PLPPR4: variants seen among roughly 807,000 people sequenced by gnomAD.
PLPPR4 encodes the protein phospholipid phosphatase-related protein type 4.
Under a neutral mutation model 56.6 loss-of-function variants are expected in PLPPR4, and 24 were observed. The ratio of observed to expected loss-of-function variants is 0.42; its 90% CI spans 0.31 to 0.60. The LOEUF (loss-of-function observed/expected upper bound fraction) is 0.60, where lower values mean the gene tolerates loss of function less well. PLPPR4 is among the 20% of genes least tolerant of loss of function. PLPPR4 has a pLI of 0.13. For missense variants in PLPPR4, 654 were observed against 885.8 expected (o/e 0.74, Z 3.32); for synonymous variants, 326 against 328.1 (o/e 0.99, Z 0.07).
chr1:99,279,737 G>GA (rs755578186), intron 1 of PLPPR4, among the ~76,000 whole-genome samples: 11 of 152,316 alleles, frequency 7.2e-5, no homozygotes, highest in Admixed American at 2.0e-4. Flanking sequence ...GAATTTAGCA[G>GA]ACCAGGTTTC....
chr1:99,276,432 A>T (rs1256278652), intron 1 of PLPPR4, among the ~76,000 whole-genome samples: 1 of 152,182 alleles, frequency 6.6e-6, no homozygotes, highest in African/African-American at 2.4e-5. Flanking sequence ...GTTTAATAAT[A>T]AAATTGATAC....
At chr1:99,296,566 T>G (rs1659747183) in intron 2 of PLPPR4, among the ~76,000 whole-genome samples, 172 bp from the exon 3 acceptor site, 1 of 152,214 alleles carries the variant, frequency 6.6e-6, no homozygotes, top group South Asian at 2.1e-4. Context: ...TACTTCTCAC[T>G]GCTTGATCAA....
At position 99,271,952 on chromosome 1, in the gene PLPPR4, T is replaced by C. The variant is rs543949444; in HGVS notation, c.78+7281T>C. Among the ~76,000 whole-genome samples the C allele has an allele frequency of 1.1e-3, 140 of 124,514 alleles. 2 individuals are homozygous for C. Among genetic ancestry groups the C allele is most frequent in the Non-Finnish European group, 6.9e-4 (42 of 60,828 alleles). The allele number at this position is 124,514 out of a possible 152,430, so 81.7% of individuals were successfully genotyped here. Reference sequence around the variant, plus strand: ...TGTGTGTGTGTGTGTGTGATGGAGATCCAATCTGTGAGCAAACCATGGAGA... The same window carrying C: ...TGTGTGTGTGTGTGTGTGATGGAGACCCAATCTGTGAGCAAACCATGGAGA... On this transcript the variant is annotated intron_variant, in intron 1 of 6. Transcript: ENST00000370185.
chr1:99,291,475 C>T (rs1015621127), intron 2 of PLPPR4, among the ~76,000 whole-genome samples: 1 of 152,132 alleles, frequency 6.6e-6, no homozygotes, highest in Non-Finnish European at 1.5e-5. Flanking sequence ...CACATGTACA[C>T]GTATATTCAT....
Position 99,305,792 on chromosome 1 carries a change from A to G in PLPPR4, c.930A>G (p.Leu310=). The G allele has an allele frequency of 1.9e-6, 3 of 1,614,120 alleles. No homozygotes were observed. Among genetic ancestry groups the G allele is most frequent in the Non-Finnish European group, 2.5e-6 (3 of 1,180,018 alleles). ...TDLNQDPNRL[L]SAKNGSSSDG... is the part of the protein sequence containing the mutation. Reference sequence around the variant, plus strand: ...TCAATCAAGATCCCAACCGACTTTTATCTGCTAAAAATGGTAGCAGCAGTG... The same window carrying G: ...TCAATCAAGATCCCAACCGACTTTTGTCTGCTAAAAATGGTAGCAGCAGTG... Residue 310 remains leucine, a synonymous_variant, in exon 7 of 7, where the codon TTA becomes TTG. Coordinates refer to ENST00000370185, the MANE Select transcript of PLPPR4 (RefSeq NM_014839.5).
At chr1:99,297,185 G>A (rs181033553) in intron 3 of PLPPR4, among the ~76,000 whole-genome samples, 1 of 152,232 alleles carries the variant, frequency 6.6e-6, no homozygotes, top group African/African-American at 2.4e-5. Flanking sequence ...TTTCAAAATG[G>A]AGAACAAACG....
At chr1:99,291,124 A>G (rs545350464) in intron 2 of PLPPR4, among the ~76,000 whole-genome samples, 3 of 152,316 alleles carry the variant, frequency 2.0e-5, no homozygotes, top group Non-Finnish European at 2.9e-5. Flanking sequence ...AAAGTGGGCA[A>G]AGGACATGAA....
At chr1:99,273,237 G>A (rs1659102245) in intron 1 of PLPPR4, among the ~76,000 whole-genome samples, 3 of 152,100 alleles carry the variant, frequency 2.0e-5, no homozygotes, top group African/African-American at 7.2e-5. Context: ...CATAGAGGAG[G>A]TTAATGGCTT....
chr1:99,288,193 C>A (rs1557778407), intron 2 of PLPPR4, 43 bp downstream of exon 2: 1 of 1,547,206 alleles, frequency 6.5e-7, no homozygotes, highest in Non-Finnish European at 8.8e-7. Flanking sequence ...TCCTGGAAAA[C>A]TAAAAATCAC....
chr1:99,287,783 G>C (rs935589340), intron 1 of PLPPR4, among the ~76,000 whole-genome samples, 182 bp from the exon 2 acceptor site: 9 of 152,160 alleles, frequency 5.9e-5, no homozygotes, highest in Non-Finnish European at 8.8e-5. Flanking sequence ...TGCGTAACAG[G>C]CTGTGACTAA....
At chr1:99,299,283 C>A in intron 4 of PLPPR4, 53 bp downstream of exon 4, 1 of 1,339,600 alleles carries the variant, frequency 7.5e-7, no homozygotes, top group Non-Finnish European at 1.1e-6. Context: ...TATTCAATTG[C>A]TGCTTGGAGT....
chr1:99,263,719 T>C (rs1658819235), upstream of PLPPR4, among the ~76,000 whole-genome samples: 1 of 152,178 alleles, frequency 6.6e-6, no homozygotes, highest in Non-Finnish European at 1.5e-5. Context: ...AAGACATACT[T>C]CTTTTTACTG....
intron 2 of PLPPR4, among the ~76,000 whole-genome samples, chr1:99,294,587 T>C (rs1659696715): frequency 6.6e-6 from 1 of 151,694 alleles, no homozygotes; most frequent in Admixed American, 6.6e-5. Flanking sequence ...TCCCAGCTAC[T>C]TGGGAGGCTG....
chr1:99,292,521 C>G (rs1659649023), intron 2 of PLPPR4, among the ~76,000 whole-genome samples: 1 of 152,190 alleles, frequency 6.6e-6, no homozygotes, highest in Non-Finnish European at 1.5e-5. Context: ...TGCATCTCCA[C>G]AGAACCTCCA....
chr1:99,280,230 G>A (rs2100791861), intron 1 of PLPPR4, among the ~76,000 whole-genome samples: 1 of 152,288 alleles, frequency 6.6e-6, no homozygotes. Context: ...GAGTCTGGGT[G>A]TTCCCAATTT....
At chr1:99,304,291 T>C (rs531809295) in intron 6 of PLPPR4, among the ~76,000 whole-genome samples, 1 of 152,302 alleles carries the variant, frequency 6.6e-6, no homozygotes, top group East Asian at 1.9e-4. Flanking sequence ...TAACACACTG[T>C]AGGATTTTGT....
intron 1 of PLPPR4, among the ~76,000 whole-genome samples, chr1:99,267,562 GAATAT>G (rs1426200309): frequency 1.3e-5 from 2 of 152,128 alleles, no homozygotes; most frequent in African/African-American, 4.8e-5. Context: ...TTAGAATATT[GAATAT>G]ATTATGAGGT....
At chr1:99,283,787 T>C (rs1659394578) in intron 1 of PLPPR4, among the ~76,000 whole-genome samples, 1 of 143,526 alleles carries the variant, frequency 7.0e-6, no homozygotes, top group South Asian at 2.3e-4. Flanking sequence ...GCGTCTCTAC[T>C]AAAAATACAA....
At chr1:99,296,992 T>G (rs1279077754) in intron 3 of PLPPR4, 125 bp downstream of exon 3, 1 of 1,016,960 alleles carries the variant, frequency 9.8e-7, no homozygotes, top group East Asian at 3.1e-5. Context: ...CATGATGAGT[T>G]TTATATTGTA....
Sources: gnomAD v4.1 joint callset for allele counts (sites outside exome capture counted in the v4.1 genomes callset) on GRCh38, gnomAD v4.1.1 for gene constraint, MANE v1.5 for transcripts, NCBI Gene and HGNC (gene_info 2026-07-23, HGNC 2026-07-21) for gene names.